The following CDK6 variants were observed in gnomAD, a reference collection of about 807,000 sequenced individuals.
The protein encoded by CDK6 is cyclin-dependent kinase 6.
A neutral mutation model predicts 37.1 loss-of-function variants in CDK6; 6 were observed. The observed-to-expected ratio is 0.16, with a 90% CI of 0.09 to 0.32. The LOEUF is 0.32. CDK6 is among the 10% of genes least tolerant of loss of function. The probability of loss-of-function intolerance (pLI) is 1.00; values close to 1 mark genes in which losing one functional copy is unlikely to be tolerated. For missense variants in CDK6, 224 were observed against 418.9 expected (o/e 0.53, Z 4.06); for synonymous variants, 160 against 161.3 (o/e 0.99, Z 0.06).
Position 92,606,974 on chromosome 7 carries a change from T to C in CDK6, c.*8166A>G, listed in dbSNP as rs1355143819. On this transcript the variant is annotated 3_prime_UTR_variant, in exon 8 of 8. Transcript: ENST00000424848. ...CAAGCTTTTGAGGTGTTGGGAATTG[T>C]TGGTTGTTAAAATCCCTTTTATTTT... The C allele has an allele frequency of 8.6e-6, 2 of 233,090 alleles. No homozygotes were observed. Among genetic ancestry groups the C allele is most frequent in the Admixed American group, 5.6e-5 (1 of 17,786 alleles). 14.4% of individuals were successfully genotyped at this position (233,090 alleles called of 1,614,324 possible). A position where few individuals can be genotyped will look rare whatever the true frequency, so the allele number is the denominator to read the frequency against.
chr7:92,822,619 C>T (rs978931104), intron 2 of CDK6, among the ~76,000 whole-genome samples: 1 of 152,000 alleles, frequency 6.6e-6, no homozygotes, highest in Non-Finnish European at 1.5e-5. Context: ...CCTCAGGGAG[C>T]CTATATTCTA....
chr7:92,673,838 C>T (rs1428012979), intron 4 of CDK6, among the ~76,000 whole-genome samples: 4 of 151,742 alleles, frequency 2.6e-5, no homozygotes, highest in Non-Finnish European at 4.4e-5. Context: ...AGTGCAGTGG[C>T]ATGATCTCAG....
At chr7:92,674,700 C>T (rs1439145008) in intron 4 of CDK6, among the ~76,000 whole-genome samples, 2 of 152,194 alleles carry the variant, frequency 1.3e-5, no homozygotes, top group Non-Finnish European at 2.9e-5. Flanking sequence ...GAGTGGTTGA[C>T]AGAAATACAC....
intron 3 of CDK6, among the ~76,000 whole-genome samples, chr7:92,739,311 C>A (rs935219000): frequency 6.6e-6 from 1 of 152,220 alleles, no homozygotes; most frequent in African/African-American, 2.4e-5. Context: ...GGCTGCTCTC[C>A]CAAGCTCCAG....
intron 5 of CDK6, among the ~76,000 whole-genome samples, chr7:92,661,828 C>A (rs1796840862): frequency 6.6e-6 from 1 of 152,068 alleles, no homozygotes; most frequent in African/African-American, 2.4e-5. Flanking sequence ...TAGTTCAAAC[C>A]TATGTTGTTC....
At chr7:92,715,030 A>G (rs934848246) in intron 4 of CDK6, among the ~76,000 whole-genome samples, 1 of 152,206 alleles carries the variant, frequency 6.6e-6, no homozygotes, top group Non-Finnish European at 1.5e-5. Flanking sequence ...CCTCACTGAA[A>G]TCATCCAGCG....
chr7:92,809,850 G>A (rs1800826964), intron 2 of CDK6, among the ~76,000 whole-genome samples: 1 of 152,198 alleles, frequency 6.6e-6, no homozygotes, highest in Non-Finnish European at 1.5e-5. Flanking sequence ...ATTAGCCAGA[G>A]TGTGGCTGAA....
In CDK6 at chr7:92,611,105, A is replaced by C. The variant is rs772551454; in HGVS notation, c.*4035T>G. On this transcript the variant is annotated 3_prime_UTR_variant, in exon 8 of 8. Coordinates refer to ENST00000424848, the MANE Select transcript of CDK6 (RefSeq NM_001145306.2). Reference sequence around the variant, plus strand: ...CCTTCAAAATATATATAGCTTTGAAACTACCCTTTAAATACCTTCATTTTC... The same window carrying C: ...CCTTCAAAATATATATAGCTTTGAACCTACCCTTTAAATACCTTCATTTTC... 6.6e-5 allele frequency: 15 copies of C among 227,038 alleles called. No individual in the cohort carries two copies. The highest frequency in any genetic ancestry group is 1.1e-4 in the Non-Finnish European group (13 of 114,324). The allele number at this position is 227,038 out of a possible 1,614,324, so 14.1% of individuals were successfully genotyped here.
At chr7:92,738,897 C>T (rs1798853730) in intron 3 of CDK6, among the ~76,000 whole-genome samples, 1 of 152,134 alleles carries the variant, frequency 6.6e-6, no homozygotes, top group Non-Finnish European at 1.5e-5. Flanking sequence ...CCCCAGTCAG[C>T]TTTTGGTATT....
intron 5 of CDK6, among the ~76,000 whole-genome samples, chr7:92,649,001 G>T (rs1053075837): frequency 1.1e-4 from 17 of 151,832 alleles, no homozygotes; most frequent in African/African-American, 4.1e-4. Flanking sequence ...TCCCAAGCTG[G>T]ATGTGAAGAA....
intron 2 of CDK6, among the ~76,000 whole-genome samples, chr7:92,832,862 A>G (rs1801526883): frequency 6.6e-6 from 1 of 152,192 alleles, no homozygotes. Flanking sequence ...AAGCCTGCTC[A>G]GGTCATGTTT....
At chr7:92,827,788 T>C (rs1346357146) in intron 2 of CDK6, among the ~76,000 whole-genome samples, 2 of 152,136 alleles carry the variant, frequency 1.3e-5, no homozygotes, top group African/African-American at 4.8e-5. Flanking sequence ...CTGTGTTCTG[T>C]TACATCAAGA....
chr7:92,672,829 A>T (rs1797121823), intron 4 of CDK6, among the ~76,000 whole-genome samples: 1 of 152,202 alleles, frequency 6.6e-6, no homozygotes. Flanking sequence ...ATGCTATATT[A>T]CTTGGTGTGC....
At chr7:92,662,464 C>T (rs1490166876) in intron 5 of CDK6, among the ~76,000 whole-genome samples, 1 of 152,150 alleles carries the variant, frequency 6.6e-6, no homozygotes, top group Non-Finnish European at 1.5e-5. Flanking sequence ...TAAACAAGCA[C>T]GTGTGCTCTA....
intron 4 of CDK6, among the ~76,000 whole-genome samples, chr7:92,672,472 A>T (rs1364946872): frequency 6.6e-6 from 1 of 151,964 alleles, no homozygotes; most frequent in Non-Finnish European, 1.5e-5. Flanking sequence ...AAGGGATTCC[A>T]AAAAGACAAG....
intron 2 of CDK6, among the ~76,000 whole-genome samples, chr7:92,817,818 T>C (rs577646770): frequency 9.2e-5 from 14 of 151,954 alleles, no homozygotes; most frequent in Non-Finnish European, 1.8e-4. Flanking sequence ...AAGGTCACTA[T>C]ACAAAAAAGA....
chr7:92,628,358 C>T (rs1249467963), intron 5 of CDK6, among the ~76,000 whole-genome samples: 1 of 120,332 alleles, frequency 8.3e-6, no homozygotes, highest in African/African-American at 3.4e-5. Flanking sequence ...CTCACTTCTT[C>T]ATTCCCTACT....
chr7:92,629,755 C>G (rs896079335), intron 5 of CDK6, among the ~76,000 whole-genome samples: 16 of 152,082 alleles, frequency 1.1e-4, no homozygotes, highest in Non-Finnish European at 2.2e-4. Context: ...TAATGGAGTA[C>G]TGCAAACTGG....
chr7:92,659,639 A>ACACACACAC (rs1796793395), intron 5 of CDK6, among the ~76,000 whole-genome samples: 1 of 149,910 alleles, frequency 6.7e-6, no homozygotes, highest in African/African-American at 2.5e-5. Flanking sequence ...CACACACCAC[A>ACACACACAC]CACACACACA....
Sources: gnomAD v4.1 joint callset for allele counts (sites outside exome capture counted in the v4.1 genomes callset) on GRCh38, gnomAD v4.1.1 for gene constraint, MANE v1.5 for transcripts, NCBI Gene and HGNC (gene_info 2026-07-23, HGNC 2026-07-21) for gene names.